C18orf63: variants seen among roughly 807,000 people sequenced by gnomAD.
The protein encoded by C18orf63 is uncharacterized protein C18orf63.
In C18orf63, 50 loss-of-function variants were observed where a neutral mutation model predicts 75.3. The ratio of observed to expected loss-of-function variants is 0.66; its 90% CI spans 0.53 to 0.84. The LOEUF is 0.84. C18orf63 is among the 40% of genes least tolerant of loss of function. The pLI, the probability that C18orf63 is intolerant of heterozygous loss-of-function variation, is 0.00. For synonymous variants in C18orf63, 232 were observed against 267.6 expected (o/e 0.87, Z 1.30); for missense variants, 732 against 800.2 (o/e 0.91, Z 1.03).
At chr18:74,319,397 T>A (rs1984081764) in intron 2 of C18orf63, among the ~76,000 whole-genome samples, 1 of 152,162 alleles carries the variant, frequency 6.6e-6, no homozygotes, top group African/African-American at 2.4e-5. Context: ...TGGCCCGTGT[T>A]GCTTTTTAAG....
chr18:74,325,815 A>G (rs1482760409), intron 4 of C18orf63, among the ~76,000 whole-genome samples: 1 of 152,210 alleles, frequency 6.6e-6, no homozygotes, highest in Non-Finnish European at 1.5e-5. Flanking sequence ...TCACTCACAT[A>G]GAAAAGGTGG....
At chr18:74,346,095 G>A (rs2145129043) in intron 11 of C18orf63, among the ~76,000 whole-genome samples, 1 of 152,000 alleles carries the variant, frequency 6.6e-6, no homozygotes, top group African/African-American at 2.4e-5. Context: ...CTCAATAATA[G>A]TTTATAACTT....
chr18:74,349,621 A>G (rs1984632943), intron 11 of C18orf63, among the ~76,000 whole-genome samples: 1 of 152,132 alleles, frequency 6.6e-6, no homozygotes, highest in Admixed American at 6.5e-5. Context: ...CCTTATGAGA[A>G]TCGAATGCCT....
chr18:74,323,666 T>C (rs1984161838), intron 4 of C18orf63, among the ~76,000 whole-genome samples: 1 of 152,242 alleles, frequency 6.6e-6, no homozygotes, highest in Admixed American at 6.5e-5. Flanking sequence ...CCATATTCTA[T>C]TATTTATTAA....
At chr18:74,339,921 T>G (rs990622019) in intron 8 of C18orf63, among the ~76,000 whole-genome samples, 2 of 152,128 alleles carry the variant, frequency 1.3e-5, no homozygotes, top group African/African-American at 4.8e-5. Flanking sequence ...GCAATAAATT[T>G]AACAACCAAG....
intron 11 of C18orf63, among the ~76,000 whole-genome samples, chr18:74,349,057 A>G (rs964131576): frequency 1.3e-5 from 2 of 152,248 alleles, no homozygotes; most frequent in South Asian, 4.1e-4. Context: ...AATAACTTAT[A>G]TGAATCTGCC....
chr18:74,328,859 G>T, intron 5 of C18orf63, 136 bp from the exon 6 acceptor site: 1 of 524,484 alleles, frequency 1.9e-6, no homozygotes. Context: ...CTGTCATCAG[G>T]TATTACTTTA....
intron 1 of C18orf63, among the ~76,000 whole-genome samples, chr18:74,316,898 T>C (rs1373231678): frequency 6.6e-6 from 1 of 152,244 alleles, no homozygotes; most frequent in Non-Finnish European, 1.5e-5. Flanking sequence ...CTTGTTTACA[T>C]ACAGTGTTGC....
In C18orf63 at chr18:74,330,853, A is replaced by AT; in HGVS notation, c.425-9dup. 9.0e-7 allele frequency: 1 copy of AT among 1,106,916 alleles called. No homozygotes were observed. Among genetic ancestry groups the AT allele is most frequent in the Non-Finnish European group, 1.3e-6 (1 of 783,382 alleles). 68.6% of individuals were successfully genotyped at this position (1,106,916 alleles called of 1,614,324 possible). ...AATTCCAGGTAGTTCACAGTTAAAT[A>AT]TTTTATTTTCAGTATTAAACATCAA... On this transcript the variant is annotated splice_polypyrimidine_tract_variant and intron_variant, in intron 6 of 13. Coordinates refer to ENST00000579455, the MANE Select transcript of C18orf63 (RefSeq NM_001174123.2).
chr18:74,344,545 C>G (rs1468367469), intron 11 of C18orf63, among the ~76,000 whole-genome samples: 2 of 152,116 alleles, frequency 1.3e-5, no homozygotes, highest in Non-Finnish European at 2.9e-5. Context: ...TAACTCCTTT[C>G]CTCCTCCCAA....
intron 7 of C18orf63, 50 bp from the exon 8 acceptor site, chr18:74,338,665 C>A: frequency 1.3e-6 from 1 of 774,566 alleles, no homozygotes; most frequent in Admixed American, 3.6e-5. Context: ...AAAATGTTTC[C>A]TTTTTTGCCA....
At chr18:74,328,499 T>C (rs1280742100) in intron 5 of C18orf63, among the ~76,000 whole-genome samples, 1 of 152,192 alleles carries the variant, frequency 6.6e-6, no homozygotes, top group Non-Finnish European at 1.5e-5. Flanking sequence ...AATTTTAAGA[T>C]ATACAATTTT....
chr18:74,327,089 G>A (rs1395304766), intron 4 of C18orf63, among the ~76,000 whole-genome samples: 1 of 152,030 alleles, frequency 6.6e-6, no homozygotes, highest in East Asian at 1.9e-4. Flanking sequence ...GGGCCTTGAA[G>A]CATGACAAGA....
rs2216434 is a variant in C18orf63, at chr18:74,323,097, C to G, written c.270+343C>G. 1.1e-3 allele frequency among the ~76,000 whole-genome samples: 173 copies of G among 152,220 alleles called. 1 individual carries two copies. Among genetic ancestry groups the G allele is most frequent in the African/African-American group, 4.1e-3 (171 of 41,540 alleles). On this transcript the variant is annotated intron_variant, in intron 4 of 13. Coordinates refer to ENST00000579455, the MANE Select transcript of C18orf63 (RefSeq NM_001174123.2). ...AGCTAATATGTAGAGAAATAAAATA[C>G]TATAGATTGTATTCTACATGGTGAT...
intron 1 of C18orf63, among the ~76,000 whole-genome samples, chr18:74,317,284 T>C (rs531915765): frequency 3.3e-4 from 50 of 152,336 alleles, no homozygotes; most frequent in Middle Eastern, 3.4e-3. Context: ...AGGTATACCT[T>C]ATGAATTATC....
Position 74,342,280 on chromosome 18 carries a change from A to C in C18orf63, c.748A>C (p.Ile250Leu). Reference protein sequence around the residue: ...KLPGDCGKIKIYCNIYFKMLG... With the variant: ...KLPGDCGKIKLYCNIYFKMLG... ...TCCAGGTGATTGTGGAAAAATTAAA[A>C]TATACTGCAACATCTATTTCAAAAT... Residue 250 changes from isoleucine (I) to leucine (L), a missense_variant, in exon 10 of 14, where the codon ATA (isoleucine) becomes CTA (leucine). Transcript: ENST00000579455. 3 of 1,533,886 alleles carry C rather than the reference A, an allele frequency of 2.0e-6. No individual in the cohort carries two copies. The highest frequency in any genetic ancestry group is 2.6e-6 in the Non-Finnish European group (3 of 1,145,328).
rs145674068 is a variant in C18orf63, at chr18:74,326,725, T to C, written c.271-1222T>C. On this transcript the variant is annotated intron_variant, in intron 4 of 13. Transcript: ENST00000579455. ...TCTTTGTTGCCTGATGTCGGATATG[T>C]TGTGAACTGTTATTTCGTATAACTT... Among the ~76,000 whole-genome samples the C allele has an allele frequency of 1.5e-4, 23 of 152,340 alleles. No individual in the cohort carries two copies. The East Asian group carries it at 4.4e-3, about 29-fold the overall frequency.
intron 4 of C18orf63, among the ~76,000 whole-genome samples, chr18:74,324,602 A>C (rs544861326): frequency 6.6e-5 from 10 of 152,314 alleles, no homozygotes; most frequent in African/African-American, 2.4e-4. Flanking sequence ...TTAATAAAGC[A>C]ACATTTATAC....
Position 74,353,726 on chromosome 18 carries a change from A to G in C18orf63, c.1459A>G (p.Ile487Val), listed in dbSNP as rs1984710713. 6.5e-7 allele frequency: 1 copy of G among 1,536,172 alleles called. No individual in the cohort carries two copies. Among genetic ancestry groups the G allele is most frequent in the South Asian group, 1.2e-5 (1 of 84,062 alleles). Reference sequence around the variant, plus strand: ...TGACAAACTGAATTTAGGTCCAGCTATAAAAAACCGTTATAGTAGTAACAT... The same window carrying G: ...TGACAAACTGAATTTAGGTCCAGCTGTAAAAAACCGTTATAGTAGTAACAT... ...QHDKLNLGPA[I>V]KNRYSSNIQM... Residue 487 changes from isoleucine (I) to valine (V), a missense_variant, in exon 12 of 14, where the codon ATA becomes GTA. Physicochemically the swap from Ile to Val is conservative, Grantham distance 29 (BLOSUM62 3). This residue lies in a region of C18orf63 where 495 missense variants were observed against 508.7 expected (regional missense o/e 0.97). Coordinates refer to ENST00000579455, the MANE Select transcript of C18orf63 (RefSeq NM_001174123.2).
Sources: gnomAD v4.1 joint callset for allele counts (sites outside exome capture counted in the v4.1 genomes callset) on GRCh38, gnomAD v4.1.1 for gene constraint, gnomAD v4.1.1 regional missense constraint, MANE v1.5 for transcripts, NCBI Gene and HGNC (gene_info 2026-07-23, HGNC 2026-07-21) for gene names.